UGT2A2: variants seen among roughly 807,000 people sequenced by gnomAD.
The protein encoded by UGT2A2 is UDP glucuronosyltransferase family 2 member A2.
In UGT2A2, 60 loss-of-function variants were observed where a neutral mutation model predicts 50.7. The observed-to-expected ratio is 1.18, with a 90% CI of 0.96 to 1.47. UGT2A2 has a LOEUF of 1.47. Among genes scored for constraint, UGT2A2 ranks in the 40% most tolerant of loss-of-function variants. The pLI is 0.00. For synonymous variants in UGT2A2, 242 were observed against 214.6 expected, an observed-to-expected ratio of 1.13 and a Z score of -1.11; for missense variants, 762 against 634.0, an observed-to-expected ratio of 1.20 and a Z score of -2.17.
chr4:69,599,131 A>C, intron 2 of UGT2A2, 115 bp downstream of exon 2: 1 of 1,399,194 alleles, frequency 7.1e-7, no homozygotes, highest in Non-Finnish European at 9.4e-7. Context: ...ATAGATGTGG[A>C]GTAGCAAACT....
At chr4:69,607,450 T>C (rs1442220666) in intron 1 of UGT2A2, among the ~76,000 whole-genome samples, 1 of 151,890 alleles carries the variant, frequency 6.6e-6, no homozygotes, top group Admixed American at 6.6e-5. Context: ...ATGTTAGACC[T>C]AAAACCATAA....
At chr4:69,609,800 A>C (rs114516165) in intron 1 of UGT2A2, among the ~76,000 whole-genome samples, 1,909 of 152,322 alleles carry the variant, frequency 0.013, 50 homozygotes, top group African/African-American at 0.044. Context: ...ACTGCATTCC[A>C]CAAAAAAATT....
Position 69,606,992 on chromosome 4 carries a change from C to T in UGT2A2, c.743-7598G>A, listed in dbSNP as rs1304980989. On this transcript the variant is annotated intron_variant, in intron 1 of 5. Transcript: ENST00000604629. ...CAATATCGAGAAAATGGCCATACTG[C>T]CCAAGGTCATTTATAGATTCAATGC... 2.9e-5 allele frequency among the ~76,000 whole-genome samples: 4 copies of T among 136,216 alleles called. 1 individual carries two copies. The highest frequency in any genetic ancestry group is 4.1e-4 in the East Asian group (2 of 4,852). 89.4% of individuals were successfully genotyped at this position (136,216 alleles called of 152,430 possible). A position where few individuals can be genotyped will look rare whatever the true frequency, so the allele number is the denominator to read the frequency against.
chr4:69,601,240 T>C (rs1323571814), intron 1 of UGT2A2, among the ~76,000 whole-genome samples: 1 of 152,078 alleles, frequency 6.6e-6, no homozygotes, highest in African/African-American at 2.4e-5. Flanking sequence ...TTCCCTCTGA[T>C]CCTCACTGTG....
At chr4:69,625,117 T>A (rs1720968032) in intron 1 of UGT2A2, among the ~76,000 whole-genome samples, 2 of 151,248 alleles carry the variant, frequency 1.3e-5, no homozygotes, top group South Asian at 4.1e-4. Flanking sequence ...TAGGTGTAAT[T>A]GCTGTTTTGT....
chr4:69,639,300 C>G lies in UGT2A2; in HGVS notation c.341G>C (p.Trp114Ser). ...TTTTCCTAGTTCTTTGTAGAAAGCC[C>G]ATATTGTGAGAGGAGTTGGTCTATG... ...IDHRPTPLTI[W>S]AFYKELGKLL... The change falls in exon 1 of 6, where the codon TGG becomes TCG. Residue 114 changes from tryptophan to serine, a missense_variant. Trp to Ser is a radical substitution (Grantham distance 177, BLOSUM62 -3). Coordinates refer to ENST00000604629, the MANE Select transcript of UGT2A2 (RefSeq NM_001105677.2). 1 of 1,613,634 alleles carries G rather than the reference C, an allele frequency of 6.2e-7. No homozygotes were observed. Among genetic ancestry groups the G allele is most frequent in the South Asian group, 1.1e-5 (1 of 91,040 alleles).
rs571248320 is a variant in UGT2A2, at chr4:69,602,463, T to TC, written c.743-3070_743-3069insG. ...TTTAGAATAACAAAGATTTAGGAGT[T>TC]TATCTATCTATCTATCTATCTATCT... On this transcript the variant is annotated intron_variant, in intron 1 of 5. Transcript: ENST00000604629. Among the ~76,000 whole-genome samples, 66 of 100,920 alleles carry TC rather than the reference T, an allele frequency of 6.5e-4. 11 individuals carry two copies. Among genetic ancestry groups the TC allele is most frequent in the African/African-American group, 9.0e-4 (23 of 25,474 alleles). 66.2% of individuals were successfully genotyped at this position (100,920 alleles called of 152,430 possible). A position where few individuals can be genotyped will look rare whatever the true frequency, so the allele number is the denominator to read the frequency against.
intron 1 of UGT2A2, among the ~76,000 whole-genome samples, chr4:69,610,509 T>G (rs1375859673): frequency 6.6e-6 from 1 of 152,172 alleles, no homozygotes; most frequent in Non-Finnish European, 1.5e-5. Context: ...CTTTAAAACT[T>G]TAAACACAAA....
intron 1 of UGT2A2, among the ~76,000 whole-genome samples, chr4:69,611,842 G>A (rs1164645449): frequency 2.6e-5 from 4 of 152,068 alleles, no homozygotes; most frequent in Non-Finnish European, 5.9e-5. Flanking sequence ...AAGTAGGAAA[G>A]CCTAATGGAT....
chr4:69,614,710 A>G (rs909341033), intron 1 of UGT2A2, among the ~76,000 whole-genome samples: 4 of 152,088 alleles, frequency 2.6e-5, no homozygotes, highest in Admixed American at 2.6e-4. Context: ...CCAAATACAT[A>G]CATTGGGAAA....
intron 1 of UGT2A2, among the ~76,000 whole-genome samples, chr4:69,602,924 C>A (rs1364738176): frequency 1.5e-5 from 2 of 134,282 alleles, no homozygotes; most frequent in Admixed American, 7.4e-5. Flanking sequence ...AAAAATTAGC[C>A]GGGCGTGGTG....
At chr4:69,613,709 T>G (rs1720203146) in intron 1 of UGT2A2, among the ~76,000 whole-genome samples, 1 of 152,010 alleles carries the variant, frequency 6.6e-6, no homozygotes, top group Non-Finnish European at 1.5e-5. Context: ...TTATCAACAG[T>G]ACCAGGACAA....
intron 1 of UGT2A2, among the ~76,000 whole-genome samples, chr4:69,612,700 T>C (rs1720135904): frequency 6.6e-6 from 1 of 151,910 alleles, no homozygotes; most frequent in African/African-American, 2.4e-5. Flanking sequence ...AACCGGATTG[T>C]CACAATTTAC....
intron 1 of UGT2A2, among the ~76,000 whole-genome samples, chr4:69,607,204 C>CTGGTACCAAAACAGCATGGTAA (rs1719683397): frequency 6.7e-6 from 1 of 150,374 alleles, no homozygotes. Context: ...CAGCATGGTA[C>CTGGTACCAAAACAGCATGGTAA]TGGTACCAAA....
chr4:69,593,810 C>T (rs1040020872), intron 5 of UGT2A2, among the ~76,000 whole-genome samples: 4 of 151,378 alleles, frequency 2.6e-5, no homozygotes, highest in South Asian at 2.1e-4. Context: ...TATTACTGAG[C>T]GTATTATCAT....
intron 1 of UGT2A2, among the ~76,000 whole-genome samples, chr4:69,618,221 T>TTGTGTGTG (rs112693693): frequency 1.4e-5 from 2 of 144,640 alleles, no homozygotes; most frequent in African/African-American, 2.6e-5. Flanking sequence ...GTGTGTATGT[T>TTGTGTGTG]TGTGTGTGTG....
intron 1 of UGT2A2, among the ~76,000 whole-genome samples, chr4:69,631,579 A>G (rs1338037316): frequency 2.0e-5 from 3 of 152,166 alleles, no homozygotes; most frequent in Admixed American, 6.5e-5. Flanking sequence ...AATGAAGAAT[A>G]CTATTTGAGA....
At chr4:69,590,628 A>T (rs1327004923) in intron 5 of UGT2A2, among the ~76,000 whole-genome samples, 2 of 133,854 alleles carry the variant, frequency 1.5e-5, no homozygotes, top group African/African-American at 5.5e-5. Context: ...GGAGTAGTTT[A>T]CATGTGTTGA....
chr4:69,594,461 G>A lies in UGT2A2; in HGVS notation c.1331+16C>T, dbSNP rs769529105. On this transcript the variant is annotated intron_variant, in intron 5 of 5. Coordinates refer to ENST00000604629, the MANE Select transcript of UGT2A2 (RefSeq NM_001105677.2). ...TAATTAAAGTTAGGCAAGTTTTTAGGAGCCTTAGTACTTACGAAGGTTCAT... is the reference window on the plus strand; with the variant it reads ...TAATTAAAGTTAGGCAAGTTTTTAGAAGCCTTAGTACTTACGAAGGTTCAT... 2 of 1,607,774 alleles carry A rather than the reference G, an allele frequency of 1.2e-6. No individual in the cohort carries two copies. The highest frequency in any genetic ancestry group is 2.7e-5 in the African/African-American group (2 of 74,500).
Sources: allele counts gnomAD v4.1 joint callset (sites outside exome capture counted in the v4.1 genomes callset), GRCh38; gene constraint gnomAD v4.1.1; transcripts MANE v1.5; gene names NCBI Gene and HGNC (gene_info 2026-07-23, HGNC 2026-07-21).